The following DMD variants were observed in gnomAD, a reference collection of about 807,000 sequenced individuals.
DMD encodes dystrophin.
A neutral mutation model predicts 330.1 loss-of-function variants in DMD; 63 were observed. That is an observed-to-expected ratio of 0.19 (90% CI 0.16 to 0.24). The LOEUF (loss-of-function observed/expected upper bound fraction) is 0.24. Among genes scored for constraint, DMD ranks in the 10% least tolerant of loss-of-function variants. The pLI is 1.00. For missense variants in DMD, 3,344 were observed against 2,684.1 expected, an observed-to-expected ratio of 1.25 and a Z score of -5.43; for synonymous variants, 1,223 against 959.8, an observed-to-expected ratio of 1.27 and a Z score of -5.07.
chrX:32,096,556 TA>T (rs1042442076), intron 44 of DMD, among the ~76,000 whole-genome samples: 6 of 107,650 alleles, frequency 5.6e-5, no homozygotes, highest in African/African-American at 2.0e-4. Context: ...AGGGATCCAT[TA>T]AAAAAATACA....
chrX:32,919,136 C>A (rs909678628), intron 2 of DMD, among the ~76,000 whole-genome samples: 3 of 111,838 alleles, frequency 2.7e-5, no homozygotes, highest in Non-Finnish European at 5.6e-5. Context: ...CTTAGGACTT[C>A]TAACTTAAGA....
intron 19 of DMD, among the ~76,000 whole-genome samples, chrX:32,498,138 C>T (rs2043681736): frequency 9.0e-6 from 1 of 110,835 alleles, no homozygotes; most frequent in Non-Finnish European, 1.9e-5. Context: ...TCTCACTTGC[C>T]CTCATTAAGT....
At chrX:31,774,322 T>G in intron 50 of DMD, 130 bp from the exon 51 acceptor site, 3 of 482,532 alleles carry the variant, frequency 6.2e-6, no homozygotes, top group Non-Finnish European at 1.1e-5. Context: ...AGCCAAACTC[T>G]TATTCATGAC....
intron 1 of DMD, among the ~76,000 whole-genome samples, chrX:33,100,533 A>G (rs1396405600): frequency 9.1e-6 from 1 of 110,323 alleles, no homozygotes; most frequent in Admixed American, 9.8e-5. Context: ...CTGTACTACT[A>G]ATATAAAATT....
At chrX:32,488,425 C>G (rs1173310578) in intron 20 of DMD, among the ~76,000 whole-genome samples, 1 of 111,330 alleles carries the variant, frequency 9.0e-6, no homozygotes, top group Non-Finnish European at 1.9e-5. Flanking sequence ...AGAATATGAG[C>G]TAAATATGCG....
chrX:32,868,697 CT>C (rs2082712476), intron 2 of DMD, among the ~76,000 whole-genome samples: 1 of 112,517 alleles, frequency 8.9e-6, no homozygotes, highest in Non-Finnish European at 1.9e-5. Flanking sequence ...GCAGGGCCTG[CT>C]TGCAGGAATT....
chrX:31,531,252 C>CT (rs2073798161), intron 55 of DMD, among the ~76,000 whole-genome samples: 2 of 52,352 alleles, frequency 3.8e-5, no homozygotes, highest in Non-Finnish European at 6.4e-5. Context: ...AATCGCCACA[C>CT]TGACTTCCAC....
chrX:31,177,292 C>G (rs1350730058), intron 71 of DMD, among the ~76,000 whole-genome samples: 1 of 111,429 alleles, frequency 9.0e-6, no homozygotes, highest in Non-Finnish European at 1.9e-5. Flanking sequence ...CCTCCTAGAG[C>G]AAATGTATAA....
In DMD at chrX:32,310,140, G is replaced by A. The variant is rs900835174; in HGVS notation, c.6059C>T (p.Ala2020Val). The part of the protein sequence containing the change: ...ALLEVEQLLN[A>V]PDLCAKDFED... ...AAAGTCCTTAGCACAGAGGTCAGGA[G>A]CATTGAGAAGTTGTTCCACTTCTAA... is the stretch of plus-strand genomic sequence containing the variant. The change falls in exon 42 of 79, where the codon GCT becomes GTT. Residue 2020 changes from alanine (A) to valine (V), a missense_variant. Coordinates refer to ENST00000357033, the MANE Select transcript of DMD (RefSeq NM_004006.3). 2 of 1,207,556 alleles carry A rather than the reference G, an allele frequency of 1.7e-6. No homozygotes were observed. Among genetic ancestry groups the A allele is most frequent in the African/African-American group, 1.8e-5 (1 of 57,099 alleles).
intron 11 of DMD, among the ~76,000 whole-genome samples, chrX:32,631,769 A>G (rs1057350474): frequency 9.0e-6 from 1 of 111,514 alleles, no homozygotes; most frequent in Non-Finnish European, 1.9e-5. Context: ...CTAAGAGGAT[A>G]GTGCTAAACC....
intron 28 of DMD, 33 bp from the exon 29 acceptor site, chrX:32,438,423 C>CT (rs756928501): frequency 2.7e-5 from 32 of 1,189,609 alleles, no homozygotes; most frequent in African/African-American, 8.8e-5. Context: ...ACTATTTCTC[C>CT]TTTTTTTTCT....
At chrX:32,290,967 T>C (rs929962076) in intron 42 of DMD, among the ~76,000 whole-genome samples, 1 of 111,792 alleles carries the variant, frequency 8.9e-6, no homozygotes, top group Non-Finnish European at 1.9e-5. Flanking sequence ...AAGGTGCAAA[T>C]TGCAGTAGAC....
intron 44 of DMD, among the ~76,000 whole-genome samples, chrX:32,019,378 A>C (rs895190750): frequency 2.7e-5 from 3 of 111,673 alleles, no homozygotes; most frequent in African/African-American, 9.8e-5. Context: ...GAATTTTATA[A>C]TTTTTTCAAT....
intron 7 of DMD, among the ~76,000 whole-genome samples, chrX:32,782,578 G>A (rs1211066403): frequency 9.0e-6 from 1 of 111,480 alleles, no homozygotes; most frequent in Non-Finnish European, 1.9e-5. Context: ...AGAAAAAGAT[G>A]AGAATAACTT....
chrX:31,193,388 T>C lies in DMD; in HGVS notation c.9808-10484A>G, dbSNP rs1377314988. On this transcript the variant is annotated intron_variant, in intron 67 of 78. Coordinates refer to ENST00000357033, the MANE Select transcript of DMD (RefSeq NM_004006.3). ...CAGTAAAGAGAGATATCATTCTTTG[T>C]ACACTCAGAACCACCTTGGATGTCC... Among the ~76,000 whole-genome samples, 8 of 112,205 alleles carry C rather than the reference T, an allele frequency of 7.1e-5. No homozygotes were observed. In the East Asian group the frequency reaches 1.7e-3, roughly 24 times the overall value.
At chrX:33,150,885 A>C (rs2048255969) in intron 1 of DMD, among the ~76,000 whole-genome samples, 1 of 111,696 alleles carries the variant, frequency 9.0e-6, no homozygotes, top group African/African-American at 3.3e-5. Context: ...ATTGTGGGAA[A>C]TCAGAGGGCT....
At chrX:32,925,935 C>A (rs1325134513) in intron 2 of DMD, among the ~76,000 whole-genome samples, 1 of 111,715 alleles carries the variant, frequency 9.0e-6, no homozygotes, top group African/African-American at 3.3e-5. Flanking sequence ...ATCCAGCAAT[C>A]CCATTACTGA....
intron 41 of DMD, among the ~76,000 whole-genome samples, chrX:32,318,777 A>T (rs751589864): frequency 8.9e-6 from 1 of 111,986 alleles, no homozygotes; most frequent in Admixed American, 9.5e-5. Flanking sequence ...CTTTATGCCC[A>T]TATTATTTAT....
At chrX:32,376,761 G>A (rs1182942088) in intron 34 of DMD, among the ~76,000 whole-genome samples, 1 of 109,309 alleles carries the variant, frequency 9.1e-6, no homozygotes, top group Non-Finnish European at 1.9e-5. Context: ...ATTGTGGAAG[G>A]GCTTGATTTG....
Sources: gnomAD v4.1 joint callset for allele counts (sites outside exome capture counted in the v4.1 genomes callset) on GRCh38, gnomAD v4.1.1 for gene constraint, MANE v1.5 for transcripts, NCBI Gene and HGNC (gene_info 2026-07-23, HGNC 2026-07-21) for gene names.